SMC5: variants seen among roughly 807,000 people sequenced by gnomAD.
SMC5 encodes structural maintenance of chromosomes protein 5.
In SMC5, 88 loss-of-function variants were observed where a neutral mutation model predicts 148.3. The observed-to-expected ratio is 0.59, with a 90% confidence interval of 0.50 to 0.71. SMC5 has a LOEUF of 0.71. Among genes scored for constraint, SMC5 ranks in the 30% least tolerant of loss-of-function variants. The pLI is 0.00. For synonymous variants in SMC5, 421 were observed against 432.8 expected (o/e 0.97, Z 0.34); for missense variants, 1,142 against 1,298.9 (o/e 0.88, Z 1.86).
chr9:70,322,281 C>T (rs945486167), intron 15 of SMC5, among the ~76,000 whole-genome samples: 2 of 152,192 alleles, frequency 1.3e-5, no homozygotes, highest in Non-Finnish European at 1.5e-5. Flanking sequence ...GCAAAACGCT[C>T]AACCTTTATT....
rs2034496343 is a variant in SMC5 at position 70,273,145 on chromosome 9, A to T, written c.381-4165A>T. 2.7e-5 allele frequency among the ~76,000 whole-genome samples: 4 copies of T among 150,350 alleles called. 1 individual carries two copies. The South Asian group carries it at 8.4e-4, about 32-fold the overall frequency. ...TTGGTTAAGCTTACTGTTTAAAAAAATCTGATGTGTGTTATAGGGTGTCTT... is the reference window on the plus strand; with the variant it reads ...TTGGTTAAGCTTACTGTTTAAAAAATTCTGATGTGTGTTATAGGGTGTCTT... On this transcript the variant is annotated intron_variant, in intron 3 of 24. Transcript: ENST00000361138.
chr9:70,269,596 CAA>C (rs772263647), intron 3 of SMC5, among the ~76,000 whole-genome samples: 1 of 151,690 alleles, frequency 6.6e-6, no homozygotes, highest in African/African-American at 2.4e-5. Context: ...AAAACAAAAA[CAA>C]AAAAAGTCAA....
intron 20 of SMC5, among the ~76,000 whole-genome samples, 195 bp downstream of exon 20, chr9:70,347,356 A>T (rs555346631): frequency 3.5e-4 from 53 of 152,318 alleles, no homozygotes; most frequent in Admixed American, 1.2e-3. Context: ...TTTTAAATAG[A>T]TTCTTCCTAA....
intron 12 of SMC5, 88 bp from the exon 13 acceptor site, chr9:70,315,358 A>T: frequency 2.5e-6 from 2 of 807,784 alleles, no homozygotes; most frequent in Non-Finnish European, 3.7e-6. Context: ...TGTATGTTTT[A>T]CTTATTGTTT....
At chr9:70,349,254 A>G (rs780094708) in intron 22 of SMC5, among the ~76,000 whole-genome samples, 11 of 152,028 alleles carry the variant, frequency 7.2e-5, no homozygotes, top group Admixed American at 1.3e-4. Flanking sequence ...TTTAGTAGAG[A>G]TGGGATTTCC....
chr9:70,325,246 G>A (rs548471060), intron 17 of SMC5, among the ~76,000 whole-genome samples: 26 of 152,306 alleles, frequency 1.7e-4, no homozygotes, highest in African/African-American at 6.3e-4. Flanking sequence ...GAGTAATACA[G>A]ACTTTCCTAT....
intron 17 of SMC5, among the ~76,000 whole-genome samples, chr9:70,342,846 G>A (rs569636134): frequency 5.5e-4 from 83 of 152,230 alleles, no homozygotes; most frequent in Admixed American, 9.2e-4. Context: ...TAGATTACTT[G>A]TTTCTTAAAT....
At position 70,352,468 on chromosome 9, in the gene SMC5, G is replaced by A; in HGVS notation, c.*137G>A. 1.2e-6 allele frequency: 1 copy of A among 838,774 alleles called. No homozygotes were observed. Among genetic ancestry groups the A allele is most frequent in the Non-Finnish European group, 1.8e-6 (1 of 554,816 alleles). The allele number at this position is 838,774 out of a possible 1,614,324, so 52.0% of individuals were successfully genotyped here. A position where few individuals can be genotyped will look rare whatever the true frequency, so the allele number is the denominator to read the frequency against. ...ACCTGCTTTTAAATACAAATAGGTT[G>A]ATAATGGAAACTATAATGACCTTTC... On this transcript the variant is annotated 3_prime_UTR_variant, in exon 25 of 25. Coordinates refer to ENST00000361138, the MANE Select transcript of SMC5 (RefSeq NM_015110.4).
chr9:70,350,127 A>G lies in SMC5; in HGVS notation c.2903A>G (p.Lys968Arg). The stretch of plus-strand genomic sequence containing the variant: ...AATGTTTTATAGGAAGATTATGATA[A>G]ATATGGAATTCGAATTAGAGTCAAA... ...LHTENEEDYDKYGIRIRVKFR... is the reference protein window; with the variant it reads ...LHTENEEDYDRYGIRIRVKFR... The change falls in exon 23 of 25, where the codon AAA (lysine) becomes AGA (arginine). Residue 968 changes from lysine to arginine, a missense_variant. Transcript: ENST00000361138. The G allele has an allele frequency of 6.2e-7, 1 of 1,603,974 alleles. No homozygotes were observed. The highest frequency in any genetic ancestry group is 1.3e-5 in the African/African-American group (1 of 74,776).
intron 8 of SMC5, among the ~76,000 whole-genome samples, chr9:70,297,309 A>G (rs2035227929): frequency 6.6e-6 from 1 of 152,234 alleles, no homozygotes; most frequent in Non-Finnish European, 1.5e-5. Context: ...ACCCATGTGG[A>G]TGATCTGTGG....
chr9:70,327,367 G>A (rs1019589316), intron 17 of SMC5, among the ~76,000 whole-genome samples: 1 of 152,172 alleles, frequency 6.6e-6, no homozygotes, highest in African/African-American at 2.4e-5. Flanking sequence ...TATCAAAAAT[G>A]TCTAAATGCA....
intron 17 of SMC5, among the ~76,000 whole-genome samples, chr9:70,340,799 T>A (rs890961407): frequency 3.9e-5 from 6 of 152,288 alleles, no homozygotes; most frequent in Admixed American, 3.9e-4. Context: ...AGAAAAGCTT[T>A]TTCTTGTTTA....
At chr9:70,283,572 C>T (rs1296425982) in intron 7 of SMC5, among the ~76,000 whole-genome samples, 2 of 152,060 alleles carry the variant, frequency 1.3e-5, no homozygotes, top group Admixed American at 1.3e-4. Flanking sequence ...ATTAGACCAG[C>T]GGAATTTATG....
At chr9:70,266,248 AAT>A (rs1491250464) in intron 2 of SMC5, among the ~76,000 whole-genome samples, 1 of 152,036 alleles carries the variant, frequency 6.6e-6, no homozygotes, top group African/African-American at 2.4e-5. Flanking sequence ...AATTATTTAA[AAT>A]GTGTGTGTGT....
chr9:70,268,162 A>G (rs2034343593), intron 3 of SMC5, among the ~76,000 whole-genome samples, 187 bp downstream of exon 3: 2 of 152,204 alleles, frequency 1.3e-5, no homozygotes, highest in Admixed American at 6.5e-5. Context: ...CTTAAATTGT[A>G]GGCTAGCCAT....
At chr9:70,311,589 G>A (rs2035658618) in intron 11 of SMC5, 1 of 151,492 alleles carries the variant, frequency 6.6e-6, no homozygotes, top group Non-Finnish European at 1.5e-5. Context: ...AACCTTGAAT[G>A]TGTTTTAAAA....
intron 17 of SMC5, among the ~76,000 whole-genome samples, chr9:70,327,614 A>C (rs919666502): frequency 9.2e-5 from 14 of 152,218 alleles, no homozygotes; most frequent in South Asian, 2.1e-4. Flanking sequence ...ATTTATCCTG[A>C]AAATAACAAA....
In SMC5 at chr9:70,300,143, G is replaced by T. The variant is rs1404648445; in HGVS notation, c.1407G>T (p.Trp469Cys). ...RFRDTYDAVL[W>C]LRNNRDKFKQ... ...GTGACACGTATGATGCTGTTTTATG[G>T]CTAAGAAATAACAGAGACAAATTTA... Residue 469 changes from tryptophan (W) to cysteine (C), a missense_variant, in exon 10 of 25, where the codon TGG becomes TGT. Around this residue, in one of 5 missense-constraint regions of SMC5, gnomAD observed 743 missense variants for 835.7 expected, o/e 0.89. Coordinates refer to ENST00000361138, the MANE Select transcript of SMC5 (RefSeq NM_015110.4). 3 of 1,602,526 alleles carry T rather than the reference G, an allele frequency of 1.9e-6. No individual in the cohort carries two copies. Among genetic ancestry groups the T allele is most frequent in the Non-Finnish European group, 2.5e-6 (3 of 1,176,818 alleles).
chr9:70,304,480 A>C (rs984529553), intron 10 of SMC5, among the ~76,000 whole-genome samples: 3 of 152,166 alleles, frequency 2.0e-5, no homozygotes, highest in African/African-American at 7.2e-5. Flanking sequence ...TGAGGTCAGG[A>C]GTTCGAGACC....
Sources: gnomAD v4.1 joint callset for allele counts (sites outside exome capture counted in the v4.1 genomes callset) on GRCh38, gnomAD v4.1.1 for gene constraint, gnomAD v4.1.1 regional missense constraint, MANE v1.5 for transcripts, NCBI Gene and HGNC (gene_info 2026-07-23, HGNC 2026-07-21) for gene names.